The following FKBP7 variants were observed in gnomAD, a reference collection of about 807,000 sequenced individuals.
The protein encoded by FKBP7 is peptidyl-prolyl cis-trans isomerase FKBP7.
In FKBP7, 24 loss-of-function variants were observed where a neutral mutation model predicts 24.3. That is an observed-to-expected ratio of 0.99 (90% CI 0.72 to 1.39). FKBP7 has a LOEUF of 1.39. FKBP7 is among the 40% of genes most tolerant of loss of function. FKBP7 has a pLI of 0.00. For missense variants in FKBP7, 257 were observed against 269.5 expected (o/e 0.95, Z 0.33); for synonymous variants, 98 against 92.8 (o/e 1.06, Z -0.32).
At position 178,470,636 on chromosome 2, in the gene FKBP7, A is replaced by G. The variant is rs180817308; in HGVS notation, c.374-851T>C. On this transcript the variant is annotated intron_variant, in intron 2 of 3. Coordinates refer to ENST00000424785, the MANE Select transcript of FKBP7 (RefSeq NM_181342.3). ...TCAAATTTTTTATAGACATTAAAAA[A>G]TAAGTGCAATGATAGAAAAATCCAG... Among the ~76,000 whole-genome samples the G allele has an allele frequency of 1.4e-3, 220 of 152,342 alleles. 5 individuals carry two copies. The South Asian group carries it at 0.022, about 15-fold the overall frequency.
intron 2 of FKBP7, among the ~76,000 whole-genome samples, chr2:178,476,714 A>ATTTTTTTTTTTTTTTTTTTTTTTTTTTT (rs35360731): frequency 8.2e-6 from 1 of 122,530 alleles, no homozygotes; most frequent in African/African-American, 3.2e-5. Flanking sequence ...ATTCCATTTC[A>ATTTTTTTTTTTTTTTTTTTTTTTTTTTT]TTTTTTTTTT....
At chr2:178,472,309 A>G (rs1415270226) in intron 2 of FKBP7, among the ~76,000 whole-genome samples, 3 of 151,954 alleles carry the variant, frequency 2.0e-5, no homozygotes, top group Non-Finnish European at 4.4e-5. Flanking sequence ...TCCTAGCCTC[A>G]GGTGAGCCAC....
chr2:178,468,495 A>G (rs978597867), intron 3 of FKBP7, among the ~76,000 whole-genome samples: 2 of 152,038 alleles, frequency 1.3e-5, no homozygotes, highest in African/African-American at 4.8e-5. Flanking sequence ...TCTTAAAAAA[A>G]AAAAAAAAAT....
In FKBP7 at chr2:178,478,371, T is replaced by C; in HGVS notation, c.129A>G (p.Pro43=). Residue 43 remains proline (P), a synonymous_variant, in exon 1 of 4, where the codon CCA becomes CCG. Transcript: ENST00000424785. ...TCTTGCTTGTCTTAGAGCAGTTTTC[T>C]GGACGATGCAAAACTTCTATTTTCA... ...EEVKIEVLHR[P]ENCSKTSKKG... is the part of the protein sequence containing the mutation. 6.2e-7 allele frequency: 1 copy of C among 1,614,234 alleles called. No individual in the cohort carries two copies. Among genetic ancestry groups the C allele is most frequent in the Non-Finnish European group, 8.5e-7 (1 of 1,180,038 alleles).
At chr2:178,477,603 T>C (rs1863671) in intron 1 of FKBP7, among the ~76,000 whole-genome samples, 29,310 of 151,930 alleles carry the variant, frequency 0.19, 3,428 homozygotes, top group East Asian at 0.61. Flanking sequence ...TTTAAAATGG[T>C]ATATTTTCTT....
Position 178,465,300 on chromosome 2 carries a change from A to G in FKBP7, c.*470T>C, listed in dbSNP as rs72953361. ...GACTCTTCAGTTCTAGGATTTTTAT[A>G]TCGTCTTCATAATGTTATAAAAATG... On this transcript the variant is annotated 3_prime_UTR_variant, in exon 4 of 4. Transcript: ENST00000424785. 0.021 allele frequency: 3,134 copies of G among 152,362 alleles called. 57 individuals are homozygous for G. Among genetic ancestry groups the G allele is most frequent in the Non-Finnish European group, 0.032 (2,212 of 68,062 alleles). The allele number at this position is 152,362 out of a possible 1,614,324, so 9.4% of individuals were successfully genotyped here.
chr2:178,478,304 T>C lies in FKBP7; in HGVS notation c.196A>G (p.Lys66Glu). ...LNAHYDGYLA[K>E]DGSKFYCSRT... ...CTGCAGTAGAATTTCGAGCCGTCTT[T>C]AGCCAGGTAGCCGTCATAATGGGCA... Residue 66 changes from lysine (K) to glutamate (E), a missense_variant, in exon 1 of 4, where the codon AAA (lysine) becomes GAA (glutamate). Lys to Glu is a moderately conservative substitution (Grantham distance 56). Coordinates refer to ENST00000424785, the MANE Select transcript of FKBP7 (RefSeq NM_181342.3). The C allele has an allele frequency of 2.5e-6, 4 of 1,614,158 alleles. No individual in the cohort carries two copies. Among genetic ancestry groups the C allele is most frequent in the Non-Finnish European group, 3.4e-6 (4 of 1,180,026 alleles).
intron 2 of FKBP7, among the ~76,000 whole-genome samples, chr2:178,476,444 C>A (rs1009508057): frequency 6.6e-5 from 10 of 152,216 alleles, no homozygotes; most frequent in Admixed American, 2.0e-4. Context: ...TGCAACCAAT[C>A]TCCAGAACTC....
Position 178,472,137 on chromosome 2 carries a change from C to T in FKBP7, c.374-2352G>A, listed in dbSNP as rs138661319. ...TTGCCCAGGCTGTAGTGCAGTGTCG[C>T]GATCTTGGCTCACTGCAACCTCCAC... is the stretch of plus-strand genomic sequence containing the variant. On this transcript the variant is annotated intron_variant, in intron 2 of 3. Transcript: ENST00000424785. 3.7e-3 allele frequency among the ~76,000 whole-genome samples: 558 copies of T among 150,578 alleles called. 25 individuals carry two copies. In the East Asian group the frequency reaches 0.093, roughly 25 times the overall value.
rs1684796012 is a variant in FKBP7, at chr2:178,469,735, A to G, written c.424T>C (p.Tyr142His). ...DATLIFEIEL[Y>H]AVTKGPRSIE... ...CTCCGTGGTCCTTTGGTCACAGCAT[A>G]AAGTTCAATCTCAAAAATCAATGTA... The change falls in exon 3 of 4, where the codon TAT becomes CAT. Residue 142 changes from tyrosine to histidine, a missense_variant. Coordinates refer to ENST00000424785, the MANE Select transcript of FKBP7 (RefSeq NM_181342.3). The G allele has an allele frequency of 1.9e-6, 3 of 1,614,022 alleles. No homozygotes were observed. The highest frequency in any genetic ancestry group is 2.5e-6 in the Non-Finnish European group (3 of 1,179,954).
chr2:178,465,897 T>C lies in FKBP7; in HGVS notation c.542A>G (p.Asp181Gly). The C allele has an allele frequency of 6.2e-7, 1 of 1,604,386 alleles. No homozygotes were observed. The highest frequency in any genetic ancestry group is 8.5e-7 in the Non-Finnish European group (1 of 1,177,100). Reference protein sequence around the residue: ...NLYLQREFEKDEKPRDKSYQD... With the variant: ...NLYLQREFEKGEKPRDKSYQD... ...ATATGACTTGTCACGTGGCTTCTCA[T>C]CTTTTTCAAATTCCCTTTGCAAGTA... The change falls in exon 4 of 4, where the codon GAT (aspartate) becomes GGT (glycine). Residue 181 changes from aspartate to glycine, a missense_variant. Transcript: ENST00000424785.
At chr2:178,473,255 T>G (rs1684905745) in intron 2 of FKBP7, 1 of 415,604 alleles carries the variant, frequency 2.4e-6, no homozygotes, top group Non-Finnish European at 4.8e-6. Flanking sequence ...CTGCAACTTT[T>G]AAAATAATGT....
chr2:178,477,271 C>A, intron 1 of FKBP7, 58 bp from the exon 2 acceptor site: 1 of 1,556,184 alleles, frequency 6.4e-7, no homozygotes, highest in South Asian at 1.2e-5. Context: ...CTTGAAAATA[C>A]AGCTGGGCAT....
At chr2:178,472,183 T>C (rs561607554) in intron 2 of FKBP7, among the ~76,000 whole-genome samples, 2 of 151,886 alleles carry the variant, frequency 1.3e-5, no homozygotes, top group Non-Finnish European at 1.5e-5. Context: ...CAAGTGATTC[T>C]TGTGTTTCAG....
At position 178,465,723 on chromosome 2, in the gene FKBP7, TA is replaced by T. The variant is rs748099042; in HGVS notation, c.*46del. On this transcript the variant is annotated 3_prime_UTR_variant, in exon 4 of 4. Coordinates refer to ENST00000424785, the MANE Select transcript of FKBP7 (RefSeq NM_181342.3). Reference sequence around the variant, plus strand: ...GAGAAAAGTGACTTTGTTTTATACATAAAGTACAGTAAATAGCTAAAAAAAA... The same window carrying T: ...GAGAAAAGTGACTTTGTTTTATACATAAGTACAGTAAATAGCTAAAAAAAA... 10 of 1,466,026 alleles carry T rather than the reference TA, an allele frequency of 6.8e-6. No individual in the cohort carries two copies. In the African/African-American group the frequency reaches 1.5e-4, roughly 22 times the overall value. The allele number at this position is 1,466,026 out of a possible 1,614,324, so 90.8% of individuals were successfully genotyped here. A position where few individuals can be genotyped will look rare whatever the true frequency, so the allele number is the denominator to read the frequency against.
intron 1 of FKBP7, among the ~76,000 whole-genome samples, chr2:178,477,481 T>C (rs897283993): frequency 2.6e-5 from 4 of 152,204 alleles, no homozygotes; most frequent in African/African-American, 9.7e-5. Context: ...TTAATGGGTC[T>C]CCAGCCCCTA....
At chr2:178,467,042 AT>A in intron 3 of FKBP7, among the ~76,000 whole-genome samples, 1 of 152,300 alleles carries the variant, frequency 6.6e-6, no homozygotes, top group East Asian at 1.9e-4. Flanking sequence ...AGGCAGACAC[AT>A]TTTTTTCTTC....
rs368700753 is a variant in FKBP7, at chr2:178,472,917, T to TA, written c.374-3133dup. Reference sequence around the variant, plus strand: ...CTTTTTCTTGTTTTTTTTTTTTTTTTAAAAAAAACTAAAGTATAAAAATGA... The same window carrying TA: ...CTTTTTCTTGTTTTTTTTTTTTTTTTAAAAAAAAACTAAAGTATAAAAATGA... On this transcript the variant is annotated intron_variant, in intron 2 of 3. Transcript: ENST00000424785. 2.3e-3 allele frequency: 544 copies of TA among 239,676 alleles called. 1 individual carries two copies. Among genetic ancestry groups the TA allele is most frequent in the African/African-American group, 6.5e-3 (253 of 38,958 alleles). The allele number at this position is 239,676 out of a possible 1,614,324, so 14.8% of individuals were successfully genotyped here. A position where few individuals can be genotyped will look rare whatever the true frequency, so the allele number is the denominator to read the frequency against.
rs906893924 is a variant in FKBP7 at position 178,478,015 on chromosome 2, G to A, written c.221+264C>T. Among the ~76,000 whole-genome samples, 3 of 152,060 alleles carry A rather than the reference G, an allele frequency of 2.0e-5. No individual in the cohort carries two copies. In the South Asian group the frequency reaches 6.2e-4, roughly 32 times the overall value. ...TTGATTTAATTCTGGAGGTCCCAAGGGTAATGGTGGTGGTTGATGTGTGTG... is the reference window on the plus strand; with the variant it reads ...TTGATTTAATTCTGGAGGTCCCAAGAGTAATGGTGGTGGTTGATGTGTGTG... On this transcript the variant is annotated intron_variant, in intron 1 of 3. Transcript: ENST00000424785.
Sources: gnomAD v4.1 joint callset for allele counts (sites outside exome capture counted in the v4.1 genomes callset) on GRCh38, gnomAD v4.1.1 for gene constraint, MANE v1.5 for transcripts, NCBI Gene and HGNC (gene_info 2026-07-23, HGNC 2026-07-21) for gene names.